BARD1: variants seen among roughly 807,000 people sequenced by gnomAD.
The protein encoded by BARD1 is BRCA1 associated RING domain 1, also known as BRCA1-associated RING domain protein 1.
Under a neutral mutation model 77.0 loss-of-function variants are expected in BARD1, and 73 were observed. The ratio of observed to expected loss-of-function variants is 0.95; its 90% CI spans 0.79 to 1.15. The LOEUF (loss-of-function observed/expected upper bound fraction) is 1.15, where lower values mean the gene tolerates loss of function less well. Among genes scored for constraint, BARD1 ranks in the 50% most tolerant of loss-of-function variants. BARD1 has a pLI of 0.00. For missense variants in BARD1, 993 were observed against 938.8 expected (o/e 1.06, Z -0.75); for synonymous variants, 384 against 338.0 (o/e 1.14, Z -1.49).
intron 4 of BARD1, among the ~76,000 whole-genome samples, chr2:214,772,361 A>C (rs1375426683): frequency 6.6e-6 from 1 of 152,170 alleles, no homozygotes; most frequent in Non-Finnish European, 1.5e-5. Context: ...AACTGCCAGA[A>C]CCACACACAT....
At chr2:214,730,353 G>A (rs1692293567) in intron 10 of BARD1, 58 bp downstream of exon 10, 3 of 1,448,086 alleles carry the variant, frequency 2.1e-6, no homozygotes, top group Admixed American at 3.4e-5. Flanking sequence ...CTTCCTGATG[G>A]TGATAATAAT....
intron 9 of BARD1, among the ~76,000 whole-genome samples, chr2:214,742,025 GA>G (rs1450850863): frequency 6.6e-6 from 1 of 152,116 alleles, no homozygotes; most frequent in Non-Finnish European, 1.5e-5. Flanking sequence ...TGGTTTATGA[GA>G]AATCCCATGA....
chr2:214,738,147 A>G (rs1232790548), intron 9 of BARD1, among the ~76,000 whole-genome samples: 1 of 152,152 alleles, frequency 6.6e-6, no homozygotes, highest in African/African-American at 2.4e-5. Flanking sequence ...GTTACTTTTC[A>G]TATGTTCCTT....
intron 4 of BARD1, among the ~76,000 whole-genome samples, chr2:214,769,939 A>G (rs533829478): frequency 6.6e-6 from 1 of 152,208 alleles, no homozygotes; most frequent in South Asian, 2.1e-4. Flanking sequence ...CACTTGTGAA[A>G]AAAACAATTT....
chr2:214,730,487 C>G lies in BARD1; in HGVS notation c.1925G>C (p.Arg642Thr), dbSNP rs1420797541. The stretch of plus-strand genomic sequence containing the variant: ...CTTTTCTTCCTGTTCACATACTTTT[C>G]TTCGTAGACATGCTTTTACCCCTGA... Reference protein sequence around the residue: ...KFEWVKACLRRKVCEQEEKYE... With the variant: ...KFEWVKACLRTKVCEQEEKYE... The change falls in exon 10 of 11, where the codon AGA (arginine) becomes ACA (threonine). Residue 642 changes from arginine to threonine, a missense_variant. Arg to Thr is a moderately conservative substitution (Grantham distance 71). Coordinates refer to ENST00000260947, the MANE Select transcript of BARD1 (RefSeq NM_000465.4). 1.2e-6 allele frequency: 2 copies of G among 1,613,858 alleles called. No individual in the cohort carries two copies. Among genetic ancestry groups the G allele is most frequent in the African/African-American group, 2.7e-5 (2 of 74,900 alleles).
At chr2:214,747,772 G>T (rs1403153577) in intron 7 of BARD1, among the ~76,000 whole-genome samples, 1 of 148,656 alleles carries the variant, frequency 6.7e-6, no homozygotes, top group African/African-American at 2.5e-5. Context: ...CGAGTTAATG[G>T]GTGCAGCACA....
In BARD1 at chr2:214,728,578, C is replaced by A; in HGVS notation, c.*98G>T. ...GATTCAAAGACAAATATGAATGACT[C>A]TACCTATTTGTAAAAATGTGAACAT... On this transcript the variant is annotated 3_prime_UTR_variant, in exon 11 of 11. Coordinates refer to ENST00000260947, the MANE Select transcript of BARD1 (RefSeq NM_000465.4). 9 of 1,058,732 alleles carry A rather than the reference C, an allele frequency of 8.5e-6. No individual in the cohort carries two copies. The highest frequency in any genetic ancestry group is 1.2e-5 in the Non-Finnish European group (9 of 720,226). The allele number at this position is 1,058,732 out of a possible 1,614,324, so 65.6% of individuals were successfully genotyped here. A position where few individuals can be genotyped will look rare whatever the true frequency, so the allele number is the denominator to read the frequency against.
chr2:214,727,384 GAGGA>G lies in BARD1; in HGVS notation c.*1288_*1291del, dbSNP rs1441529249. ...TATCAAACTGTCCTCTTTTGTTCAT[GAGGA>G]ACCAAACTGGCAAGTCTCTCAGTGT... is the stretch of plus-strand genomic sequence containing the variant. On this transcript the variant is annotated 3_prime_UTR_variant, in exon 11 of 11. Coordinates refer to ENST00000260947, the MANE Select transcript of BARD1 (RefSeq NM_000465.4). 4.3e-6 allele frequency: 1 copy of G among 232,020 alleles called. No homozygotes were observed. The allele number at this position is 232,020 out of a possible 1,614,324, so 14.4% of individuals were successfully genotyped here. A position where few individuals can be genotyped will look rare whatever the true frequency, so the allele number is the denominator to read the frequency against.
At chr2:214,774,523 C>A (rs1031964288) in intron 4 of BARD1, among the ~76,000 whole-genome samples, 1 of 152,168 alleles carries the variant, frequency 6.6e-6, no homozygotes, top group Non-Finnish European at 1.5e-5. Flanking sequence ...AATATCTTTC[C>A]TGAACAGTAG....
intron 6 of BARD1, among the ~76,000 whole-genome samples, chr2:214,754,749 G>A (rs1693615347): frequency 6.6e-6 from 1 of 152,068 alleles, no homozygotes; most frequent in Non-Finnish European, 1.5e-5. Context: ...GATGGCTTCT[G>A]CTCACACACA....
intron 4 of BARD1, among the ~76,000 whole-genome samples, chr2:214,772,485 A>G (rs1195349202): frequency 6.6e-6 from 1 of 152,186 alleles, no homozygotes; most frequent in African/African-American, 2.4e-5. Flanking sequence ...AAAAAATAAT[A>G]TAAACACAAT....
chr2:214,770,769 G>A (rs960602454), intron 4 of BARD1, among the ~76,000 whole-genome samples: 32 of 151,032 alleles, frequency 2.1e-4, no homozygotes, highest in African/African-American at 7.7e-4. Flanking sequence ...AGCCTCCAGC[G>A]AAGGTAGACT....
intron 1 of BARD1, among the ~76,000 whole-genome samples, 192 bp from the exon 2 acceptor site, chr2:214,797,309 AAAT>A (rs1191525083): frequency 1.3e-5 from 2 of 152,220 alleles, no homozygotes; most frequent in Non-Finnish European, 2.9e-5. Context: ...TGATGATTTT[AAAT>A]AGTAACCACC....
chr2:214,765,068 A>C (rs1395772032), intron 6 of BARD1, among the ~76,000 whole-genome samples: 4 of 152,218 alleles, frequency 2.6e-5, no homozygotes, highest in African/African-American at 9.7e-5. Context: ...TCACTGGCAC[A>C]TATGGTTAAA....
intron 1 of BARD1, among the ~76,000 whole-genome samples, chr2:214,804,802 T>C (rs574255180): frequency 1.3e-5 from 2 of 152,168 alleles, no homozygotes; most frequent in Non-Finnish European, 2.9e-5. Flanking sequence ...CAATTCTTTA[T>C]AGCTAGTTAT....
At chr2:214,763,621 T>C (rs957368361) in intron 6 of BARD1, among the ~76,000 whole-genome samples, 1 of 152,146 alleles carries the variant, frequency 6.6e-6, no homozygotes, top group Admixed American at 6.5e-5. Flanking sequence ...GACAGAATGG[T>C]GTTTGCCCTT....
At chr2:214,746,961 C>G (rs1693151505) in intron 7 of BARD1, among the ~76,000 whole-genome samples, 1 of 152,028 alleles carries the variant, frequency 6.6e-6, no homozygotes, top group South Asian at 2.1e-4. Context: ...ACTCATCTGA[C>G]AAAGGGCTAA....
chr2:214,780,332 A>C (rs1032394690), intron 4 of BARD1, among the ~76,000 whole-genome samples: 2 of 152,210 alleles, frequency 1.3e-5, no homozygotes, highest in African/African-American at 4.8e-5. Context: ...CGAAATATTC[A>C]AATATTGGTT....
intron 3 of BARD1, among the ~76,000 whole-genome samples, chr2:214,790,925 A>G (rs1695483890): frequency 6.6e-6 from 1 of 152,172 alleles, no homozygotes; most frequent in Non-Finnish European, 1.5e-5. Flanking sequence ...GACCCTCGGT[A>G]TCTATGTGGG....
Sources: gnomAD v4.1 joint callset for allele counts (sites outside exome capture counted in the v4.1 genomes callset) on GRCh38, gnomAD v4.1.1 for gene constraint, MANE v1.5 for transcripts, NCBI Gene and HGNC (gene_info 2026-07-23, HGNC 2026-07-21) for gene names.